The following ATRX variants were observed in gnomAD, a reference collection of about 807,000 sequenced individuals.
The protein encoded by ATRX is ATRX chromatin remodeler, also known as chromatin remodeler ATRX.
ATRX carries 12 observed loss-of-function variants against 172.6 expected under a neutral mutation model. The observed-to-expected ratio is 0.07, with a 90% CI of 0.04 to 0.11. The LOEUF is 0.11. Among genes scored for constraint, ATRX ranks in the 10% least tolerant of loss-of-function variants. The pLI, the probability that ATRX is intolerant of heterozygous loss-of-function variation, is 1.00. For missense variants in ATRX, 1,368 were observed against 1,767.4 expected (o/e 0.77, Z 4.05); for synonymous variants, 674 against 594.7 (o/e 1.13, Z -1.94).
intron 30 of ATRX, among the ~76,000 whole-genome samples, chrX:77,524,259 T>A (rs1403551739): frequency 8.9e-6 from 1 of 111,969 alleles, no homozygotes; most frequent in Non-Finnish European, 1.9e-5. Context: ...AAAACCTGGA[T>A]CTATAAAAGG....
intron 30 of ATRX, among the ~76,000 whole-genome samples, chrX:77,527,728 C>T (rs2063430757): frequency 8.9e-6 from 1 of 111,872 alleles, no homozygotes; most frequent in Admixed American, 9.4e-5. Context: ...ACCTCACAGG[C>T]TAAGACCCAC....
chrX:77,719,400 A>C (rs1182311663), intron 1 of ATRX, among the ~76,000 whole-genome samples: 1 of 111,514 alleles, frequency 9.0e-6, no homozygotes, highest in Non-Finnish European at 1.9e-5. Flanking sequence ...CCACAACAAG[A>C]AACCAATTTA....
intron 4 of ATRX, 36 bp from the exon 5 acceptor site, chrX:77,696,740 T>A (rs1658176136): frequency 8.6e-7 from 1 of 1,164,270 alleles, no homozygotes; most frequent in Non-Finnish European, 1.2e-6. Context: ...TTATGAATGT[T>A]TCTGACAACT....
intron 22 of ATRX, among the ~76,000 whole-genome samples, chrX:77,606,233 T>C (rs1297732304): frequency 9.1e-6 from 1 of 110,401 alleles, no homozygotes; most frequent in Non-Finnish European, 1.9e-5. Context: ...GAACCTAAAA[T>C]GAAAATGTAA....
At chrX:77,535,268 C>A (rs1002913904) in intron 30 of ATRX, among the ~76,000 whole-genome samples, 1 of 111,604 alleles carries the variant, frequency 9.0e-6, no homozygotes, top group South Asian at 3.7e-4. Flanking sequence ...ATAAATATAT[C>A]CAGATTCCCA....
intron 30 of ATRX, among the ~76,000 whole-genome samples, chrX:77,552,552 G>A (rs782584214): frequency 3.6e-5 from 4 of 109,645 alleles, no homozygotes; most frequent in Non-Finnish European, 7.6e-5. Context: ...CATGGCACAC[G>A]TATACATATG....
chrX:77,555,715 G>A (rs1268711583), intron 30 of ATRX, among the ~76,000 whole-genome samples: 8 of 110,354 alleles, frequency 7.2e-5, no homozygotes, highest in African/African-American at 2.6e-4. Flanking sequence ...GGGGGTGGGG[G>A]GAAAGGGGAG....
chrX:77,634,510 C>A, intron 17 of ATRX, 84 bp downstream of exon 17: 1 of 819,325 alleles, frequency 1.2e-6, no homozygotes, highest in Non-Finnish European at 1.8e-6. Context: ...TCAGCCCCTA[C>A]GACTGTGCCT....
chrX:77,528,074 T>C (rs1266009998), intron 30 of ATRX, among the ~76,000 whole-genome samples: 2 of 109,004 alleles, frequency 1.8e-5, no homozygotes, highest in Non-Finnish European at 3.8e-5. Context: ...ATCTCTGTGG[T>C]TTCTGGGGAC....
rs781794029 is a variant in ATRX, at chrX:77,599,446, C to T, written c.5921G>A (p.Gly1974Glu). 4.1e-6 allele frequency: 5 copies of T among 1,210,660 alleles called. No individual in the cohort carries two copies. Among genetic ancestry groups the T allele is most frequent in the African/African-American group, 1.7e-5 (1 of 57,679 alleles). ...TTTTAAAGAAACAGAAGGATTGTTTCCTGTTTCATCCACATTTCCTTCACC... is the reference window on the plus strand; with the variant it reads ...TTTTAAAGAAACAGAAGGATTGTTTTCTGTTTCATCCACATTTCCTTCACC... ...GGGEGNVDETGNNPSVSLKLE... is the reference protein window; with the variant it reads ...GGGEGNVDETENNPSVSLKLE... The change falls in exon 25 of 35, where the codon GGA becomes GAA. Residue 1974 changes from glycine to glutamate, a missense_variant. Physicochemically the swap from Gly to Glu is moderately conservative, Grantham distance 98. Transcript: ENST00000373344.
intron 1 of ATRX, among the ~76,000 whole-genome samples, chrX:77,761,355 C>T (rs1415863416): frequency 1.8e-5 from 2 of 109,919 alleles, no homozygotes; most frequent in Non-Finnish European, 3.8e-5. Context: ...CTGGGCAACA[C>T]GGCAAAACCC....
At chrX:77,771,792 G>A (rs782341731) in intron 1 of ATRX, among the ~76,000 whole-genome samples, 3 of 111,102 alleles carry the variant, frequency 2.7e-5, no homozygotes, top group Non-Finnish European at 5.7e-5. Context: ...AACCCATACC[G>A]CCCACAGGGA....
chrX:77,637,632 TG>T (rs1371806268), intron 15 of ATRX, among the ~76,000 whole-genome samples: 1 of 110,787 alleles, frequency 9.0e-6, no homozygotes, highest in Non-Finnish European at 1.9e-5. Flanking sequence ...TAGAAACTCG[TG>T]ATTTTAAAAT....
intron 2 of ATRX, among the ~76,000 whole-genome samples, chrX:77,708,772 G>A (rs951938910): frequency 4.5e-5 from 5 of 112,306 alleles, no homozygotes; most frequent in African/African-American, 1.6e-4. Flanking sequence ...TCTTTTTGAG[G>A]TGATAAAAAT....
At chrX:77,656,786 A>G in intron 12 of ATRX, 133 bp from the exon 13 acceptor site, 1 of 469,217 alleles carries the variant, frequency 2.1e-6, no homozygotes, top group East Asian at 3.9e-5. Flanking sequence ...AATGGATAAT[A>G]CATAATATAG....
intron 28 of ATRX, among the ~76,000 whole-genome samples, chrX:77,560,105 T>C (rs1415807431): frequency 9.0e-6 from 1 of 111,552 alleles, no homozygotes; most frequent in Non-Finnish European, 1.9e-5. Flanking sequence ...CTCCAGAAAG[T>C]AGAAATCACA....
chrX:77,751,591 A>T lies in ATRX; in HGVS notation c.21-34348T>A, dbSNP rs369151432. ...GTTTTAGTCATGGAAGTCTTTGCCC[A>T]TGCCTATGTCCTGAACGGTATTGCC... On this transcript the variant is annotated intron_variant, in intron 1 of 34. Coordinates refer to ENST00000373344, the MANE Select transcript of ATRX (RefSeq NM_000489.6). Among the ~76,000 whole-genome samples the T allele has an allele frequency of 2.7e-5, 3 of 112,156 alleles. No individual in the cohort carries two copies. The East Asian group carries it at 8.3e-4, about 31-fold the overall frequency.
At chrX:77,700,353 T>C (rs2072434555) in intron 2 of ATRX, among the ~76,000 whole-genome samples, 1 of 111,544 alleles carries the variant, frequency 9.0e-6, no homozygotes, top group African/African-American at 3.3e-5. Context: ...CTGAGAAGCA[T>C]ATGGAGCAAA....
At position 77,600,583 on chromosome X, in the gene ATRX, G is replaced by A. The variant is rs2066636820; in HGVS notation, c.5567-19C>T. On this transcript the variant is annotated intron_variant, in intron 22 of 34. Coordinates refer to ENST00000373344, the MANE Select transcript of ATRX (RefSeq NM_000489.6). Reference sequence around the variant, plus strand: ...CCCACACCTGATCAAAAGAAATATGGTTAAAGACACAAAAATTGTCTATAT... The same window carrying A: ...CCCACACCTGATCAAAAGAAATATGATTAAAGACACAAAAATTGTCTATAT... The A allele has an allele frequency of 2.5e-6, 3 of 1,207,068 alleles. No individual in the cohort carries two copies. Among genetic ancestry groups the A allele is most frequent in the Admixed American group, 4.4e-5 (2 of 45,892 alleles).
Sources: allele counts gnomAD v4.1 joint callset (sites outside exome capture counted in the v4.1 genomes callset), GRCh38; gene constraint gnomAD v4.1.1; transcripts MANE v1.5; gene names NCBI Gene and HGNC (gene_info 2026-07-23, HGNC 2026-07-21).